Variants in HERC3 observed in about 807,000 individuals in gnomAD.
The protein encoded by HERC3 is probable E3 ubiquitin-protein ligase HERC3.
In HERC3, 58 loss-of-function variants were observed where a neutral mutation model predicts 129.9. The observed-to-expected ratio is 0.45, with a 90% CI of 0.36 to 0.56. HERC3 has a LOEUF of 0.56. HERC3 is among the 20% of genes least tolerant of loss of function. The pLI is 0.00. For synonymous variants in HERC3, 430 were observed against 451.0 expected (o/e 0.95, Z 0.59); for missense variants, 835 against 1,244.2 (o/e 0.67, Z 4.95).
intron 3 of HERC3, among the ~76,000 whole-genome samples, chr4:88,625,177 T>C (rs1253850238): frequency 6.6e-6 from 1 of 152,204 alleles, no homozygotes; most frequent in Non-Finnish European, 1.5e-5. Context: ...TTTTTTTGGC[T>C]ATTCTTGGTC....
the HERC3 span, among the ~76,000 whole-genome samples, chr4:88,534,495 T>C: frequency 6.6e-6 from 1 of 152,062 alleles, no homozygotes; most frequent in Non-Finnish European, 1.5e-5. Context: ...GTTTTTTTTT[T>C]CCTAGAAAAA....
chr4:88,697,659 C>T, intron 23 of HERC3: 1 of 1,613,220 alleles, frequency 6.2e-7, no homozygotes, highest in Non-Finnish European at 8.5e-7. Flanking sequence ...CTCCACCCTG[C>T]GCACCGCCTT....
chr4:88,662,229 A>C (rs900283538), intron 10 of HERC3, among the ~76,000 whole-genome samples: 3 of 152,198 alleles, frequency 2.0e-5, no homozygotes, highest in African/African-American at 7.2e-5. Context: ...GTGAAGCAAC[A>C]GTCAATGCCA....
chr4:88,671,106 G>A (rs1200316736), intron 16 of HERC3, among the ~76,000 whole-genome samples: 3 of 152,062 alleles, frequency 2.0e-5, no homozygotes, highest in Non-Finnish European at 2.9e-5. Context: ...CACCTCTGGC[G>A]TGGCAGGAAC....
intron 3 of HERC3, among the ~76,000 whole-genome samples, chr4:88,606,425 T>C (rs1002857122): frequency 1.3e-5 from 2 of 152,128 alleles, no homozygotes; most frequent in Non-Finnish European, 2.9e-5. Context: ...TTTTATTTTT[T>C]ATCTTCTTAG....
chr4:88,565,218 G>A, the HERC3 span, among the ~76,000 whole-genome samples: 64 of 152,046 alleles, frequency 4.2e-4, 1 homozygote, highest in Admixed American at 4.2e-3. Flanking sequence ...TACAGCCACT[G>A]GATAAAATGT....
chr4:88,626,300 A>G (rs537162216), intron 3 of HERC3, among the ~76,000 whole-genome samples: 6 of 150,742 alleles, frequency 4.0e-5, no homozygotes, highest in African/African-American at 1.2e-4. Context: ...TCCCACCTCA[A>G]CCTCCCAAGA....
At position 88,654,112 on chromosome 4, in the gene HERC3, A is replaced by G. The variant is rs751765697; in HGVS notation, c.756A>G (p.Glu252=). Residue 252 remains glutamate, a synonymous_variant, in exon 7 of 26, where the codon GAA becomes GAG. Transcript: ENST00000402738. ...TTGTCTATATTAGTTGTGGAGAAGA[A>G]CACACAGCAGTTCTCACAAAGGTAA... ...QKVVYISCGE[E]HTAVLTKSGG... is the part of the protein sequence containing the mutation. 1.2e-5 allele frequency: 19 copies of G among 1,612,992 alleles called. No homozygotes were observed. In the South Asian group the frequency reaches 1.5e-4, roughly 13 times the overall value.
At chr4:88,684,857 G>A (rs1041181775) in intron 21 of HERC3, 3 of 152,280 alleles carry the variant, frequency 2.0e-5, no homozygotes, top group African/African-American at 4.8e-5. Flanking sequence ...AAAAAATATG[G>A]AACGCTTCAC....
the HERC3 span, among the ~76,000 whole-genome samples, chr4:88,531,549 C>T: frequency 6.6e-6 from 1 of 152,216 alleles, no homozygotes; most frequent in African/African-American, 2.4e-5. Context: ...TTCTTTCCAA[C>T]TCTGCTTGAA....
chr4:88,594,999 G>A (rs1441750267), intron 1 of HERC3, among the ~76,000 whole-genome samples: 1 of 151,402 alleles, frequency 6.6e-6, no homozygotes, highest in Non-Finnish European at 1.5e-5. Flanking sequence ...CTACTTGGGA[G>A]GCTGAGGCAG....
chr4:88,629,003 T>A (rs933659459), intron 3 of HERC3, among the ~76,000 whole-genome samples: 1 of 152,088 alleles, frequency 6.6e-6, no homozygotes, highest in African/African-American at 2.4e-5. Context: ...GTGAAACCCG[T>A]CTTTACTAAA....
At position 88,687,704 on chromosome 4, in the gene HERC3, T is replaced by A. The variant is rs1372431764; in HGVS notation, c.2657+405T>A. The stretch of plus-strand genomic sequence containing the variant: ...AGCATCTAGCACAGAGTTTCTAGTA[T>A]CTAACAGAGTGCCTGGCACAAAAAT... On this transcript the variant is annotated intron_variant, in intron 23 of 25. Transcript: ENST00000402738. Among the ~76,000 whole-genome samples, 9 of 152,230 alleles carry A rather than the reference T, an allele frequency of 5.9e-5. 1 individual carries two copies.
At chr4:88,548,170 C>A in the HERC3 span, among the ~76,000 whole-genome samples, 6 of 152,230 alleles carry the variant, frequency 3.9e-5, no homozygotes, top group African/African-American at 1.2e-4. Flanking sequence ...CATTTGTGAA[C>A]AAATTTCTGT....
At chr4:88,528,911 AAG>A in the HERC3 span, among the ~76,000 whole-genome samples, 5 of 152,208 alleles carry the variant, frequency 3.3e-5, no homozygotes, top group African/African-American at 1.2e-4. Context: ...TAAAAAATCA[AAG>A]AAGTTTCCAT....
At chr4:88,627,520 A>T (rs940478666) in intron 3 of HERC3, among the ~76,000 whole-genome samples, 2 of 152,172 alleles carry the variant, frequency 1.3e-5, no homozygotes, top group African/African-American at 2.4e-5. Flanking sequence ...TTGAGCATCT[A>T]TGGATTTTGG....
At chr4:88,605,311 G>A (rs1045325550) in intron 2 of HERC3, among the ~76,000 whole-genome samples, 4 of 152,234 alleles carry the variant, frequency 2.6e-5, no homozygotes, top group Middle Eastern at 3.4e-3. Context: ...ACTTCAAGTG[G>A]TGAAATACTA....
intron 3 of HERC3, among the ~76,000 whole-genome samples, chr4:88,617,775 G>A (rs13130405): frequency 1.3e-5 from 2 of 152,160 alleles, no homozygotes; most frequent in Admixed American, 6.5e-5. Flanking sequence ...GGAGGCTGAG[G>A]CAGGAGAATG....
intron 16 of HERC3, among the ~76,000 whole-genome samples, chr4:88,671,869 G>A (rs1259277431): frequency 1.3e-5 from 2 of 152,092 alleles, no homozygotes; most frequent in Non-Finnish European, 2.9e-5. Context: ...TTCTAAATGG[G>A]CTGACTTGGG....
Sources: allele counts gnomAD v4.1 joint callset (sites outside exome capture counted in the v4.1 genomes callset), GRCh38; gene constraint gnomAD v4.1.1; transcripts MANE v1.5; gene names NCBI Gene and HGNC (gene_info 2026-07-23, HGNC 2026-07-21).